The following DLGAP2 variants were observed in gnomAD, a reference collection of about 807,000 sequenced individuals.
The protein encoded by DLGAP2 is disks large-associated protein 2.
Under a neutral mutation model 100.3 loss-of-function variants are expected in DLGAP2, and 26 were observed. That is an observed-to-expected ratio of 0.26 (90% CI 0.19 to 0.36). DLGAP2 has a LOEUF of 0.36. Ranked by LOEUF, DLGAP2 falls within the 10% of genes least tolerant of loss-of-function variation. DLGAP2 has a pLI of 1.00. For missense variants in DLGAP2, 1,858 were observed against 1,453.2 expected (o/e 1.28, Z -4.53); for synonymous variants, 886 against 630.1 (o/e 1.41, Z -6.08).
chr8:1,018,335 T>C (rs566248987), intron 2 of DLGAP2, among the ~76,000 whole-genome samples: 10 of 152,342 alleles, frequency 6.6e-5, no homozygotes, highest in African/African-American at 2.2e-4. Context: ...AGAAACTCAA[T>C]TGATTTGACC....
chr8:1,701,403 C>G lies in DLGAP2; in HGVS notation c.3165C>G (p.Leu1055=), dbSNP rs754305713. Residue 1055 remains leucine (L), a synonymous_variant, in exon 15 of 15, where the codon CTC becomes CTG. Coordinates refer to ENST00000637795, the MANE Select transcript of DLGAP2 (RefSeq NM_001346810.2). ...EIYIPEAQTR[L] Reference sequence around the variant, plus strand: ...ACATCCCCGAGGCCCAGACCCGGCTCTGAGGGCGGAGGCCGGCGCCTTCCC... The same window carrying G: ...ACATCCCCGAGGCCCAGACCCGGCTGTGAGGGCGGAGGCCGGCGCCTTCCC... 11 of 1,586,854 alleles carry G rather than the reference C, an allele frequency of 6.9e-6. No individual in the cohort carries two copies. Among genetic ancestry groups the G allele is most frequent in the Non-Finnish European group, 9.4e-6 (11 of 1,167,552 alleles).
At chr8:1,245,704 T>A (rs1057268521) in intron 2 of DLGAP2, among the ~76,000 whole-genome samples, 3 of 152,226 alleles carry the variant, frequency 2.0e-5, no homozygotes, top group Non-Finnish European at 4.4e-5. Flanking sequence ...CTGTGCACTT[T>A]CAGTGGGTGA....
chr8:1,152,842 G>A (rs1269893412), intron 2 of DLGAP2, among the ~76,000 whole-genome samples: 5 of 152,102 alleles, frequency 3.3e-5, no homozygotes, highest in African/African-American at 9.7e-5. Context: ...ATGCTGCCGT[G>A]TTCTTCCACA....
intron 10 of DLGAP2, among the ~76,000 whole-genome samples, chr8:1,670,482 A>G (rs1362210120): frequency 1.3e-5 from 2 of 152,174 alleles, no homozygotes; most frequent in Non-Finnish European, 2.9e-5. Flanking sequence ...TCTGGACCCC[A>G]GCCCCACACA....
intron 1 of DLGAP2, among the ~76,000 whole-genome samples, chr8:904,804 G>A (rs913924442): frequency 2.0e-5 from 3 of 152,216 alleles, no homozygotes; most frequent in Non-Finnish European, 4.4e-5. Context: ...GCTGCTAAAC[G>A]CTGCTGTAGA....
intron 2 of DLGAP2, among the ~76,000 whole-genome samples, chr8:1,189,797 G>A (rs59099898): frequency 0.029 from 4,349 of 152,282 alleles, 106 homozygotes; most frequent in East Asian, 0.16. Flanking sequence ...TCCATAAGCG[G>A]GAGGGCTGCA....
chr8:1,667,702 C>T (rs979115378), intron 8 of DLGAP2, among the ~76,000 whole-genome samples: 1 of 152,210 alleles, frequency 6.6e-6, no homozygotes, highest in East Asian at 1.9e-4. Context: ...GTTTCCTGTA[C>T]AAATAGATTC....
chr8:1,022,866 C>G (rs543194528), intron 2 of DLGAP2, among the ~76,000 whole-genome samples: 8 of 152,334 alleles, frequency 5.3e-5, no homozygotes, highest in Admixed American at 3.3e-4. Context: ...TGTTGGTATT[C>G]AGGGTATTCA....
intron 2 of DLGAP2, among the ~76,000 whole-genome samples, chr8:1,149,910 C>G (rs1796669075): frequency 6.6e-6 from 1 of 152,194 alleles, no homozygotes; most frequent in Admixed American, 6.6e-5. Context: ...CAGAAAATGC[C>G]AAGACCCTGG....
Position 1,526,577 on chromosome 8 carries a change from A to G in DLGAP2, c.173-22049A>G, listed in dbSNP as rs144319373. 1.6e-3 allele frequency among the ~76,000 whole-genome samples: 242 copies of G among 152,318 alleles called. 2 individuals carry two copies. The highest frequency in any genetic ancestry group is 5.5e-3 in the African/African-American group (229 of 41,570). On this transcript the variant is annotated intron_variant, in intron 4 of 14. Coordinates refer to ENST00000637795, the MANE Select transcript of DLGAP2 (RefSeq NM_001346810.2). ...TTTGTTCTCATAGCGAGACTTCCCG[A>G]GGAGGACGGTGGTGAGTCCTGGCTG...
intron 3 of DLGAP2, among the ~76,000 whole-genome samples, chr8:1,329,379 GT>G (rs1235300541): frequency 7.2e-5 from 11 of 152,198 alleles, no homozygotes; most frequent in Admixed American, 7.2e-4. Context: ...CCATTTCAAT[GT>G]TTTATTAATT....
At chr8:1,213,630 T>G (rs1160697457) in intron 2 of DLGAP2, among the ~76,000 whole-genome samples, 2 of 152,144 alleles carry the variant, frequency 1.3e-5, no homozygotes, top group Non-Finnish European at 2.9e-5. Flanking sequence ...ATGCATTCCT[T>G]AGGGAGCTTC....
intron 2 of DLGAP2, among the ~76,000 whole-genome samples, chr8:1,126,600 C>G (rs1796171057): frequency 6.6e-6 from 1 of 152,036 alleles, no homozygotes; most frequent in South Asian, 2.1e-4. Flanking sequence ...AGGTGCTGTG[C>G]TGCTGAGGGC....
At chr8:1,083,124 A>AT (rs1379216890) in intron 2 of DLGAP2, among the ~76,000 whole-genome samples, 2 of 152,140 alleles carry the variant, frequency 1.3e-5, no homozygotes, top group Admixed American at 6.5e-5. Flanking sequence ...AGAGAGGAGT[A>AT]TTTTTTCTTC....
At chr8:1,231,943 G>T (rs1298398548) in intron 2 of DLGAP2, among the ~76,000 whole-genome samples, 1 of 152,048 alleles carries the variant, frequency 6.6e-6, no homozygotes, top group Non-Finnish European at 1.5e-5. Context: ...ATGTACCCCT[G>T]AATGTAAAAT....
intron 3 of DLGAP2, among the ~76,000 whole-genome samples, chr8:1,337,893 G>C (rs1231265438): frequency 6.6e-6 from 1 of 152,204 alleles, no homozygotes; most frequent in Non-Finnish European, 1.5e-5. Flanking sequence ...TGAATAAACA[G>C]TTCTCCAAAG....
At chr8:1,416,195 G>T (rs894407743) in intron 3 of DLGAP2, among the ~76,000 whole-genome samples, 6 of 152,154 alleles carry the variant, frequency 3.9e-5, no homozygotes, top group Non-Finnish European at 7.3e-5. Context: ...ACGATGCCTG[G>T]TTACCAGCGT....
intron 2 of DLGAP2, among the ~76,000 whole-genome samples, chr8:941,027 T>C (rs567537123): frequency 1.3e-5 from 2 of 152,140 alleles, no homozygotes; most frequent in Non-Finnish European, 2.9e-5. Flanking sequence ...CACACATAGT[T>C]AGCCTTTGTA....
intron 3 of DLGAP2, among the ~76,000 whole-genome samples, chr8:1,297,552 GCA>G: frequency 3.9e-5 from 5 of 129,090 alleles, no homozygotes; most frequent in Non-Finnish European, 8.3e-5. Context: ...AACGTGGCAG[GCA>G]TGAACAGACA....
Sources: allele counts gnomAD v4.1 joint callset (sites outside exome capture counted in the v4.1 genomes callset), GRCh38; gene constraint gnomAD v4.1.1; transcripts MANE v1.5; gene names NCBI Gene and HGNC (gene_info 2026-07-23, HGNC 2026-07-21).